ZNF609: variants seen among roughly 807,000 people sequenced by gnomAD.
ZNF609 encodes the protein zinc finger protein 609.
In ZNF609, 11 loss-of-function variants were observed where a neutral mutation model predicts 109.5. The observed-to-expected ratio is 0.10, with a 90% confidence interval of 0.06 to 0.17. The LOEUF (loss-of-function observed/expected upper bound fraction) is 0.17, where lower values mean the gene tolerates loss of function less well. Among genes scored for constraint, ZNF609 ranks in the 10% least tolerant of loss-of-function variants. ZNF609 has a pLI of 1.00. For synonymous variants in ZNF609, 646 were observed against 662.0 expected, an observed-to-expected ratio of 0.98 and a Z score of 0.37; for missense variants, 1,559 against 1,772.4, an observed-to-expected ratio of 0.88 and a Z score of 2.16.
At chr15:64,555,906 A>G (rs982580679) in intron 2 of ZNF609, among the ~76,000 whole-genome samples, 3 of 151,148 alleles carry the variant, frequency 2.0e-5, no homozygotes, top group East Asian at 1.9e-4. Flanking sequence ...AAAAAAAAAA[A>G]AAAAAGAAAA....
intron 3 of ZNF609, among the ~76,000 whole-genome samples, chr15:64,634,351 C>T (rs559457540): frequency 1.1e-4 from 16 of 152,204 alleles, no homozygotes; most frequent in South Asian, 2.1e-4. Context: ...GTGGTAGCTC[C>T]GCTGAGAACC....
rs1489362847 is a variant in ZNF609 at position 64,670,343 on chromosome 15, C to T, written c.974-3C>T. 4 of 1,613,300 alleles carry T rather than the reference C, an allele frequency of 2.5e-6. No individual in the cohort carries two copies. The highest frequency in any genetic ancestry group is 1.1e-5 in the South Asian group (1 of 91,068). On this transcript the variant is annotated splice_region_variant and splice_polypyrimidine_tract_variant and intron_variant, in intron 3 of 9. Transcript: ENST00000326648. ...TCTATATCTATGTGCTCTTATTTTC[C>T]AGGGATGTTGGTGGTAAATGTAACG...
chr15:64,542,076 G>C (rs965163601), intron 2 of ZNF609, among the ~76,000 whole-genome samples: 2 of 151,944 alleles, frequency 1.3e-5, no homozygotes, highest in Admixed American at 1.3e-4. Context: ...TTGATGCCAG[G>C]AGTTTGAGAC....
chr15:64,648,745 CAAAAAAA>C (rs1162012248), intron 3 of ZNF609, among the ~76,000 whole-genome samples: 63 of 72,406 alleles, frequency 8.7e-4, no homozygotes, highest in South Asian at 5.1e-3. Flanking sequence ...CACCACATAC[CAAAAAAA>C]AAAAAAAAAA....
At chr15:64,497,291 C>T (rs1333788529) in intron 1 of ZNF609, among the ~76,000 whole-genome samples, 1 of 152,102 alleles carries the variant, frequency 6.6e-6, no homozygotes, top group East Asian at 1.9e-4. Flanking sequence ...CTAAGATCTC[C>T]ACTTGGGTAA....
chr15:64,651,808 A>G (rs1049837190), intron 3 of ZNF609, among the ~76,000 whole-genome samples: 3 of 152,254 alleles, frequency 2.0e-5, no homozygotes, highest in African/African-American at 7.2e-5. Flanking sequence ...GATTTCTCAC[A>G]GGTGTTCTCC....
At chr15:64,547,532 G>T (rs1300395698) in intron 2 of ZNF609, among the ~76,000 whole-genome samples, 1 of 152,140 alleles carries the variant, frequency 6.6e-6, no homozygotes, top group Non-Finnish European at 1.5e-5. Context: ...TGGAAAGTAG[G>T]CCCTGTGCTC....
intron 2 of ZNF609, among the ~76,000 whole-genome samples, chr15:64,608,988 C>T (rs1399117897): frequency 6.6e-6 from 1 of 152,134 alleles, no homozygotes; most frequent in East Asian, 1.9e-4. Flanking sequence ...CTACCCACCT[C>T]AGGCTCCCAA....
chr15:64,468,070 A>C (rs920295652), intron 1 of ZNF609, among the ~76,000 whole-genome samples: 2 of 149,406 alleles, frequency 1.3e-5, no homozygotes, highest in African/African-American at 4.9e-5. Context: ...GAGCATAGTG[A>C]CACAATCACG....
intron 2 of ZNF609, among the ~76,000 whole-genome samples, chr15:64,526,030 T>C (rs1327396180): frequency 6.6e-6 from 1 of 151,966 alleles, no homozygotes; most frequent in Non-Finnish European, 1.5e-5. Flanking sequence ...CCTCGAGTGA[T>C]CTGCCTGCCT....
At chr15:64,579,409 CAAAA>C (rs772818773) in intron 2 of ZNF609, among the ~76,000 whole-genome samples, 7 of 79,828 alleles carry the variant, frequency 8.8e-5, no homozygotes, top group Admixed American at 1.4e-4. Context: ...GACCCTGTCT[CAAAA>C]AAAAAAAAAA....
At chr15:64,545,345 C>CA (rs1405317363) in intron 2 of ZNF609, among the ~76,000 whole-genome samples, 2 of 152,050 alleles carry the variant, frequency 1.3e-5, no homozygotes, top group Non-Finnish European at 2.9e-5. Flanking sequence ...ACTATAGGCT[C>CA]ACGCTACCAT....
chr15:64,650,903 C>A (rs1896406962), intron 3 of ZNF609, among the ~76,000 whole-genome samples: 1 of 151,480 alleles, frequency 6.6e-6, no homozygotes, highest in African/African-American at 2.4e-5. Context: ...GGGGGGGGAT[C>A]CTTTGTCATT....
intron 2 of ZNF609, among the ~76,000 whole-genome samples, chr15:64,611,700 C>G (rs920593484): frequency 6.6e-6 from 1 of 151,274 alleles, no homozygotes; most frequent in African/African-American, 2.4e-5. Context: ...GAGAAAGAAA[C>G]AAAATTTAAT....
intron 2 of ZNF609, among the ~76,000 whole-genome samples, chr15:64,576,902 A>G (rs1894964057): frequency 1.8e-5 from 2 of 113,640 alleles, no homozygotes; most frequent in African/African-American, 5.5e-5. Flanking sequence ...ATATATACAT[A>G]TATATGTATA....
chr15:64,541,378 G>A (rs1894257848), intron 2 of ZNF609, among the ~76,000 whole-genome samples: 1 of 143,130 alleles, frequency 7.0e-6, no homozygotes, highest in Non-Finnish European at 1.5e-5. Flanking sequence ...AGTGAGCCGA[G>A]ATCGCGCCAC....
chr15:64,608,277 A>C (rs1595737302), intron 2 of ZNF609, among the ~76,000 whole-genome samples: 2 of 152,164 alleles, frequency 1.3e-5, no homozygotes, highest in East Asian at 3.9e-4. Context: ...TGGGGTTCTT[A>C]ACTTTTTTAA....
intron 2 of ZNF609, chr15:64,500,706 C>G: frequency 2.4e-6 from 1 of 417,024 alleles, no homozygotes; most frequent in East Asian, 4.5e-5. Context: ...CGAAGGGGCA[C>G]ATTTTGAGGG....
At chr15:64,541,482 G>A (rs1894261776) in intron 2 of ZNF609, among the ~76,000 whole-genome samples, 1 of 151,140 alleles carries the variant, frequency 6.6e-6, no homozygotes, top group South Asian at 2.1e-4. Flanking sequence ...AATTGGCAGA[G>A]TGGTACACTT....
Sources: gnomAD v4.1 joint callset for allele counts (sites outside exome capture counted in the v4.1 genomes callset) on GRCh38, gnomAD v4.1.1 for gene constraint, MANE v1.5 for transcripts, NCBI Gene and HGNC (gene_info 2026-07-23, HGNC 2026-07-21) for gene names.